CABIN1: variants seen among roughly 807,000 people sequenced by gnomAD.
The protein encoded by CABIN1 is calcineurin-binding protein cabin-1.
A neutral mutation model predicts 227.7 loss-of-function variants in CABIN1; 133 were observed. The observed-to-expected ratio is 0.58, with a 90% CI of 0.51 to 0.67. CABIN1 has a LOEUF of 0.67. CABIN1 is among the 30% of genes least tolerant of loss of function. The pLI is 0.00. For missense variants in CABIN1, 2,408 were observed against 2,852.5 expected, an observed-to-expected ratio of 0.84 and a Z score of 3.55; for synonymous variants, 1,086 against 1,155.1, an observed-to-expected ratio of 0.94 and a Z score of 1.21.
Position 24,119,584 on chromosome 22 carries a change from G to A in CABIN1, c.4518G>A (p.Gln1506=), listed in dbSNP as rs1474687443. 1 of 1,613,550 alleles carries A rather than the reference G, an allele frequency of 6.2e-7. No homozygotes were observed. Among genetic ancestry groups the A allele is most frequent in the Non-Finnish European group, 8.5e-7 (1 of 1,179,950 alleles). The change falls in exon 28 of 37, where the codon CAG becomes CAA. Residue 1506 remains glutamine (Q), a synonymous_variant. Coordinates refer to ENST00000263119, the MANE Select transcript of CABIN1 (RefSeq NM_012295.4). ...CGGCTGGTGCTGAGGAGCAGCGGCA[G>A]TTTCTCACAGAGCAGTGCATCGCCT... ...GLPAGAEEQR[Q]FLTEQCIASF... is the part of the protein sequence containing the mutation.
intron 28 of CABIN1, among the ~76,000 whole-genome samples, chr22:24,129,001 C>T (rs2148088767): frequency 6.6e-6 from 1 of 152,334 alleles, no homozygotes; most frequent in South Asian, 2.1e-4. Flanking sequence ...GAGACAGCCC[C>T]TGGGGGCAGA....
chr22:24,137,225 C>G (rs1022382033), intron 29 of CABIN1, among the ~76,000 whole-genome samples: 3 of 152,242 alleles, frequency 2.0e-5, no homozygotes, highest in African/African-American at 7.2e-5. Context: ...GAGCCAACCT[C>G]CATGTCTTCC....
chr22:24,151,723 T>A (rs1461684207), intron 29 of CABIN1, among the ~76,000 whole-genome samples: 1 of 152,106 alleles, frequency 6.6e-6, no homozygotes, highest in Non-Finnish European at 1.5e-5. Context: ...CTCTGCCCAA[T>A]CTGTTCCCCA....
At chr22:24,040,349 A>G (rs534931020) in intron 4 of CABIN1, among the ~76,000 whole-genome samples, 3 of 152,296 alleles carry the variant, frequency 2.0e-5, no homozygotes, top group African/African-American at 7.2e-5. Flanking sequence ...TGAGGGTGGC[A>G]TGTCTTCAGA....
At chr22:24,086,707 A>G (rs1479883951) in intron 22 of CABIN1, among the ~76,000 whole-genome samples, 3 of 152,244 alleles carry the variant, frequency 2.0e-5, no homozygotes, top group African/African-American at 7.2e-5. Flanking sequence ...TCAAGTGCTC[A>G]GAGATCATCT....
chr22:24,118,812 C>A (rs907324648), intron 27 of CABIN1, among the ~76,000 whole-genome samples: 1 of 152,226 alleles, frequency 6.6e-6, no homozygotes, highest in African/African-American at 2.4e-5. Flanking sequence ...CCCATGGCCC[C>A]TGGTGGAGCA....
At chr22:24,163,075 G>A (rs1288288485) in intron 29 of CABIN1, among the ~76,000 whole-genome samples, 1 of 152,226 alleles carries the variant, frequency 6.6e-6, no homozygotes, top group East Asian at 1.9e-4. Flanking sequence ...GGAAGATGCA[G>A]CATTGATGTT....
chr22:24,041,304 G>A (rs775687968), intron 5 of CABIN1, 31 bp downstream of exon 5: 16 of 1,613,910 alleles, frequency 9.9e-6, no homozygotes, highest in Non-Finnish European at 1.1e-5. Flanking sequence ...AGCTACCTTG[G>A]TGTTTTGAAA....
Position 24,098,120 on chromosome 22 carries a change from C to T in CABIN1, c.4045C>T (p.Pro1349Ser), listed in dbSNP as rs1472723036. 1 of 1,614,180 alleles carries T rather than the reference C, an allele frequency of 6.2e-7. No homozygotes were observed. Among genetic ancestry groups the T allele is most frequent in the East Asian group, 2.2e-5 (1 of 44,882 alleles). Residue 1349 changes from proline to serine, a missense_variant, in exon 26 of 37, where the codon CCT becomes TCT. Transcript: ENST00000263119. ...SSSGPGLTSP[P>S]YTATPIDHDY... The stretch of plus-strand genomic sequence containing the variant: ...CTCTGGCCCAGGTCTGACATCCCCA[C>T]CTTACACAGCCACTCCGATTGACCA...
At chr22:24,149,534 T>C (rs2045359385) in intron 29 of CABIN1, among the ~76,000 whole-genome samples, 1 of 152,202 alleles carries the variant, frequency 6.6e-6, no homozygotes, top group Non-Finnish European at 1.5e-5. Context: ...CAGGGCCAAT[T>C]GAGAAGGCCA....
rs7293224 is a variant in CABIN1 at position 24,165,396 on chromosome 22, A to G, written c.4911-134A>G. 0.088 allele frequency: 73,544 copies of G among 831,512 alleles called. 4,607 individuals are homozygous for G. Among genetic ancestry groups the G allele is most frequent in the East Asian group, 0.34 (12,770 of 37,578 alleles). The allele number at this position is 831,512 out of a possible 1,614,324, so 51.5% of individuals were successfully genotyped here. A position where few individuals can be genotyped will look rare whatever the true frequency, so the allele number is the denominator to read the frequency against. The stretch of plus-strand genomic sequence containing the variant: ...GAAGCTTCTAGGGGAGCAGCCCCAA[A>G]CAGGTGGTTAGGTGGAACACTGAGG... On this transcript the variant is annotated intron_variant, in intron 30 of 36. Coordinates refer to ENST00000263119, the MANE Select transcript of CABIN1 (RefSeq NM_012295.4).
At chr22:24,166,577 G>T in intron 31 of CABIN1, 62 bp from the exon 32 acceptor site, 1 of 1,606,638 alleles carries the variant, frequency 6.2e-7, no homozygotes. Context: ...CCAGCCCCCA[G>T]AGGTGACTCA....
Position 24,038,357 on chromosome 22 carries a change from G to A in CABIN1, c.106G>A (p.Ala36Thr), listed in dbSNP as rs777485859. The A allele has an allele frequency of 1.2e-6, 2 of 1,613,402 alleles. No individual in the cohort carries two copies. Among genetic ancestry groups the A allele is most frequent in the Non-Finnish European group, 1.7e-6 (2 of 1,179,352 alleles). The change falls in exon 4 of 37, where the codon GCT becomes ACT. Residue 36 changes from alanine to threonine, a missense_variant. Ala to Thr is a moderately conservative substitution (Grantham distance 58). Transcript: ENST00000263119. ...TQTKEAQEAE[A>T]FALYHKALDL... ...TTGTCTTGATTTGCAGGAAGCAGAG[G>A]CTTTTGCATTGTACCACAAGGCCCT... is the stretch of plus-strand genomic sequence containing the variant.
chr22:24,166,391 C>G (rs1227913021), intron 31 of CABIN1, among the ~76,000 whole-genome samples: 2 of 152,222 alleles, frequency 1.3e-5, no homozygotes, highest in African/African-American at 4.8e-5. Flanking sequence ...CCCGTCAGCC[C>G]CTTGCTACCT....
At chr22:24,028,568 G>A (rs186467122) in intron 1 of CABIN1, among the ~76,000 whole-genome samples, 3 of 152,238 alleles carry the variant, frequency 2.0e-5, no homozygotes, top group South Asian at 2.1e-4. Context: ...TCCTCCAGTC[G>A]TTTTTTTCCA....
chr22:24,119,377 G>A lies in CABIN1; in HGVS notation c.4311G>A (p.Glu1437=). 6.2e-7 allele frequency: 1 copy of A among 1,613,118 alleles called. No individual in the cohort carries two copies. Among genetic ancestry groups the A allele is most frequent in the Non-Finnish European group, 8.5e-7 (1 of 1,179,992 alleles). ...TCTTCTCAACTGTAGGAAAAAACGA[G>A]GAGTCATTGGAGAGTACAGAAGGCT... ...QGATEERGKN[E]ESLESTEGFR... is the part of the protein sequence containing the mutation. The change falls in exon 28 of 37, where the codon GAG becomes GAA. Residue 1437 remains glutamate, a synonymous_variant. Coordinates refer to ENST00000263119, the MANE Select transcript of CABIN1 (RefSeq NM_012295.4).
chr22:24,053,183 T>C (rs1281777417), intron 8 of CABIN1, among the ~76,000 whole-genome samples: 2 of 150,334 alleles, frequency 1.3e-5, no homozygotes, highest in African/African-American at 4.9e-5. Context: ...GTTCACGCCA[T>C]TCTTCTGCCT....
intron 26 of CABIN1, among the ~76,000 whole-genome samples, chr22:24,105,434 GT>G (rs2042457392): frequency 6.6e-6 from 1 of 152,176 alleles, no homozygotes; most frequent in East Asian, 1.9e-4. Flanking sequence ...GTATGAGCAG[GT>G]TTTGTGTGGG....
intron 25 of CABIN1, 112 bp downstream of exon 25, chr22:24,096,194 A>G: frequency 4.7e-6 from 6 of 1,265,190 alleles, no homozygotes; most frequent in Non-Finnish European, 6.9e-6. Flanking sequence ...ACAGTAAACT[A>G]GAACTCATGG....
Sources: allele counts gnomAD v4.1 joint callset (sites outside exome capture counted in the v4.1 genomes callset), GRCh38; gene constraint gnomAD v4.1.1; transcripts MANE v1.5; gene names NCBI Gene and HGNC (gene_info 2026-07-23, HGNC 2026-07-21).